Variants in CBLN2 observed in about 807,000 individuals in gnomAD.
The protein encoded by CBLN2 is cerebellin-2.
A neutral mutation model predicts 15.0 loss-of-function variants in CBLN2; 7 were observed. The observed-to-expected ratio is 0.47, with a 90% CI of 0.27 to 0.88. The LOEUF is 0.88. Ranked by LOEUF, CBLN2 falls within the 40% of genes least tolerant of loss-of-function variation. The probability of loss-of-function intolerance (pLI) is 0.14; values close to 1 mark genes in which losing one functional copy is unlikely to be tolerated. For synonymous variants in CBLN2, 149 were observed against 135.2 expected, an observed-to-expected ratio of 1.10 and a Z score of -0.71; for missense variants, 242 against 304.5, an observed-to-expected ratio of 0.79 and a Z score of 1.53.
At chr18:72,618,563 T>G (rs1472628449) in intron 1 of CBLN2, 1 of 762,116 alleles carries the variant, frequency 1.3e-6, no homozygotes, top group Non-Finnish European at 2.3e-6. Flanking sequence ...AGACCAGGTG[T>G]CCACTTAACT....
intron 1 of CBLN2, among the ~76,000 whole-genome samples, chr18:72,579,310 C>T (rs373451699): frequency 7.2e-5 from 11 of 152,040 alleles, no homozygotes; most frequent in South Asian, 6.2e-4. Flanking sequence ...ATATATAACT[C>T]GCCATAATTA....
At chr18:72,597,102 T>G (rs2069518377) in intron 1 of CBLN2, among the ~76,000 whole-genome samples, 1 of 152,240 alleles carries the variant, frequency 6.6e-6, no homozygotes, top group African/African-American at 2.4e-5. Flanking sequence ...TTCATTGTTG[T>G]CTGGGCATTG....
chr18:72,544,316 T>G lies in CBLN2; in HGVS notation c.-551A>C, dbSNP rs1043603606. On this transcript the variant is annotated 5_prime_UTR_variant, in exon 1 of 5. Coordinates refer to ENST00000269503, the MANE Select transcript of CBLN2 (RefSeq NM_182511.4). ...AAGAGGGGCCTCCGGCCCGGGTCTGTGTGTCTGCTCCTCTGGACCTCGGAC... is the reference window on the plus strand; with the variant it reads ...AAGAGGGGCCTCCGGCCCGGGTCTGGGTGTCTGCTCCTCTGGACCTCGGAC... 1 of 152,228 alleles carries G rather than the reference T, an allele frequency of 6.6e-6. No homozygotes were observed. Among genetic ancestry groups the G allele is most frequent in the Non-Finnish European group, 1.5e-5 (1 of 68,080 alleles). 9.4% of individuals were successfully genotyped at this position (152,228 alleles called of 1,614,324 possible).
intron 1 of CBLN2, among the ~76,000 whole-genome samples, chr18:72,558,973 T>A (rs960315853): frequency 3.9e-5 from 6 of 152,198 alleles, no homozygotes; most frequent in Non-Finnish European, 8.8e-5. Context: ...GAGAATCACC[T>A]GAGGCCAGGA....
intron 1 of CBLN2, among the ~76,000 whole-genome samples, chr18:72,566,624 G>A (rs1351835726): frequency 1.3e-5 from 2 of 152,134 alleles, no homozygotes; most frequent in Non-Finnish European, 2.9e-5. Context: ...GAATTCAATA[G>A]AGTGGTGGTT....
At chr18:72,577,708 G>A (rs1331079135) in intron 1 of CBLN2, among the ~76,000 whole-genome samples, 1 of 152,144 alleles carries the variant, frequency 6.6e-6, no homozygotes, top group Non-Finnish European at 1.5e-5. Context: ...TATTTCTAAC[G>A]TGCTTTGGTG....
At chr18:72,589,568 G>GTATTGATTT (rs1447970814) in intron 1 of CBLN2, among the ~76,000 whole-genome samples, 2 of 152,058 alleles carry the variant, frequency 1.3e-5, no homozygotes, top group Non-Finnish European at 2.9e-5. Flanking sequence ...TCAAAACAAG[G>GTATTGATTT]TCACAGCCTA....
intron 1 of CBLN2, among the ~76,000 whole-genome samples, chr18:72,574,691 C>T (rs1166123044): frequency 1.3e-5 from 2 of 151,996 alleles, no homozygotes; most frequent in Non-Finnish European, 2.9e-5. Context: ...AAGTTATATT[C>T]TAAAGGCTTA....
chr18:72,583,128 A>T (rs919550028), intron 1 of CBLN2, among the ~76,000 whole-genome samples: 7 of 152,176 alleles, frequency 4.6e-5, no homozygotes, highest in African/African-American at 1.7e-4. Flanking sequence ...TGCCAGGACA[A>T]GAGTGAGGTC....
intron 1 of CBLN2, chr18:72,620,738 G>C (rs2069695243): frequency 6.6e-6 from 1 of 152,112 alleles, no homozygotes; most frequent in Non-Finnish European, 1.5e-5. Flanking sequence ...CTTGCCTCCT[G>C]CCTCTATCAT....
chr18:72,601,094 G>A (rs2069545122), intron 1 of CBLN2, among the ~76,000 whole-genome samples: 1 of 152,102 alleles, frequency 6.6e-6, no homozygotes, highest in African/African-American at 2.4e-5. Flanking sequence ...ATAGAATTCT[G>A]GCCCTTCTCA....
At chr18:72,545,972 T>C (rs892246909), upstream of CBLN2, among the ~76,000 whole-genome samples, 1 of 149,664 alleles carries the variant, frequency 6.7e-6, no homozygotes, top group Non-Finnish European at 1.5e-5. Flanking sequence ...ACCTTTAATC[T>C]ATGTGACTTA....
chr18:72,542,756 C>T (rs2069126645), intron 2 of CBLN2, among the ~76,000 whole-genome samples: 1 of 152,160 alleles, frequency 6.6e-6, no homozygotes, highest in Non-Finnish European at 1.5e-5. Context: ...TTTCCTATCC[C>T]TTGTTTCCCT....
At chr18:72,634,085 C>A (rs1335293519) in intron 1 of CBLN2, among the ~76,000 whole-genome samples, 1 of 151,726 alleles carries the variant, frequency 6.6e-6, no homozygotes, top group Middle Eastern at 3.5e-3. Context: ...AAACAATAAC[C>A]AATAATTTAA....
intron 1 of CBLN2, among the ~76,000 whole-genome samples, chr18:72,581,087 C>T (rs554185742): frequency 6.6e-6 from 1 of 152,304 alleles, no homozygotes; most frequent in East Asian, 1.9e-4. Flanking sequence ...TCCCCCTACC[C>T]TTAGTAATTT....
intron 1 of CBLN2, among the ~76,000 whole-genome samples, chr18:72,629,187 C>T (rs1560559): frequency 0.2 from 31,049 of 151,952 alleles, 4,389 homozygotes; most frequent in African/African-American, 0.41. Flanking sequence ...ATAATGAAAT[C>T]CATTTTTGTT....
At chr18:72,602,017 G>C (rs944901623) in intron 1 of CBLN2, among the ~76,000 whole-genome samples, 1 of 151,820 alleles carries the variant, frequency 6.6e-6, no homozygotes, top group African/African-American at 2.4e-5. Flanking sequence ...AAGCCTGGAG[G>C]GCCTGTGGCC....
chr18:72,548,760 G>A (rs1445599310), upstream of CBLN2, among the ~76,000 whole-genome samples: 3 of 152,162 alleles, frequency 2.0e-5, no homozygotes, highest in African/African-American at 7.2e-5. Flanking sequence ...TGTGCACGCA[G>A]CATCTGTTTT....
rs1054337653 is a variant in CBLN2 at position 72,543,412 on chromosome 18, C to T, written c.-167+74G>A. On this transcript the variant is annotated intron_variant, in intron 2 of 4. Coordinates refer to ENST00000269503, the MANE Select transcript of CBLN2 (RefSeq NM_182511.4). This position sits in a 1 kb window ranked among gnomAD's most constrained non-coding sequence, Gnocchi z 6.8. ...ACCTCCTCCACCCCTCGATCTGGAC[C>T]AGGGAGAGTCTTCGTTAAAATCCAC... The T allele has an allele frequency of 1.0e-5, 4 of 398,308 alleles. No homozygotes were observed. The Middle Eastern group carries it at 2.5e-3, about 251-fold the overall frequency. The allele number at this position is 398,308 out of a possible 1,614,324, so 24.7% of individuals were successfully genotyped here.
Sources: gnomAD v4.1 joint callset for allele counts (sites outside exome capture counted in the v4.1 genomes callset) on GRCh38, gnomAD v4.1.1 for gene constraint, Gnocchi (gnomAD v3.1) non-coding constraint, MANE v1.5 for transcripts, NCBI Gene and HGNC (gene_info 2026-07-23, HGNC 2026-07-21) for gene names.